OPRPN: variants seen among roughly 807,000 people sequenced by gnomAD.
The protein encoded by OPRPN is opiorphin prepropeptide.
In OPRPN, 1 loss-of-function variant was observed where a neutral mutation model predicts 2.2. The observed-to-expected ratio is 0.45, with a 90% confidence interval of 0.16 to 2.15. The LOEUF (loss-of-function observed/expected upper bound fraction) is 2.15, where lower values mean the gene tolerates loss of function less well. Ranked by LOEUF, OPRPN falls within the 30% of genes most tolerant of loss-of-function variation. The pLI is 0.28. For missense variants in OPRPN, 306 were observed against 297.3 expected, an observed-to-expected ratio of 1.03 and a Z score of -0.21; for synonymous variants, 126 against 111.5, an observed-to-expected ratio of 1.13 and a Z score of -0.82.
rs2109773300 is a variant in OPRPN at position 70,409,438 on chromosome 4, C to T, written c.110C>T (p.Pro37Leu). The T allele has an allele frequency of 1.2e-6, 2 of 1,614,084 alleles. No individual in the cohort carries two copies. The highest frequency in any genetic ancestry group is 1.7e-6 in the Non-Finnish European group (2 of 1,179,976). ...RPYLPGQLPP[P>L]PLYRPRWVPP... is the part of the protein sequence containing the mutation. ...TATCTACCTGGCCAGCTGCCACCAC[C>T]TCCACTCTACAGGCCAAGATGGGTT... Residue 37 changes from proline (P) to leucine (L), a missense_variant, in exon 3 of 3, where the codon CCT (proline) becomes CTT (leucine). Coordinates refer to ENST00000399575, the MANE Select transcript of OPRPN (RefSeq NM_021225.5).
chr4:70,401,160 A>G (rs2109768672), intron 2 of OPRPN, among the ~76,000 whole-genome samples: 1 of 152,230 alleles, frequency 6.6e-6, no homozygotes, highest in Admixed American at 6.6e-5. Flanking sequence ...CTACCTTGAA[A>G]GAGTATAGAA....
At chr4:70,399,158 G>T in intron 1 of OPRPN, 113 bp from the exon 2 acceptor site, 1 of 628,876 alleles carries the variant, frequency 1.6e-6, no homozygotes, top group South Asian at 2.4e-5. Flanking sequence ...AGGTTATGTT[G>T]GTCTTTCTTC....
intron 2 of OPRPN, among the ~76,000 whole-genome samples, chr4:70,400,792 A>G (rs886112335): frequency 8.6e-5 from 13 of 152,012 alleles, no homozygotes; most frequent in African/African-American, 3.1e-4. Context: ...TCTGGAATAA[A>G]CCACTTTTTT....
At chr4:70,402,263 G>A (rs919464375) in intron 2 of OPRPN, among the ~76,000 whole-genome samples, 1 of 152,044 alleles carries the variant, frequency 6.6e-6, no homozygotes, top group African/African-American at 2.4e-5. Flanking sequence ...CAAGCCCTCA[G>A]GTGATACTGG....
In OPRPN at chr4:70,399,352, T is replaced by G. The variant is rs748985735; in HGVS notation, c.51+16T>G. On this transcript the variant is annotated intron_variant, in intron 2 of 2. Coordinates refer to ENST00000399575, the MANE Select transcript of OPRPN (RefSeq NM_021225.5). ...ATGTTTCACAGTAAGTTCCCTCAAT[T>G]CTAAATTTACTTGTTATATTTATTG... The G allele has an allele frequency of 1.3e-6, 2 of 1,564,304 alleles. No homozygotes were observed. The highest frequency in any genetic ancestry group is 1.8e-6 in the Non-Finnish European group (2 of 1,138,362).
Position 70,409,768 on chromosome 4 carries a change from C to G in OPRPN, c.440C>G (p.Thr147Ser). The G allele has an allele frequency of 1.2e-6, 2 of 1,613,780 alleles. No homozygotes were observed. The change falls in exon 3 of 3, where the codon ACC (threonine) becomes AGC (serine). Residue 147 changes from threonine to serine, a missense_variant. Coordinates refer to ENST00000399575, the MANE Select transcript of OPRPN (RefSeq NM_021225.5). The part of the protein sequence containing the change: ...ISNPEPQINI[T>S]TADTTITTNP... ...AACCCTGAGCCCCAAATAAACATCACCACCGCAGATACAACAATCACCACA... is the reference window on the plus strand; with the variant it reads ...AACCCTGAGCCCCAAATAAACATCAGCACCGCAGATACAACAATCACCACA...
chr4:70,400,727 C>A (rs1732961915), intron 2 of OPRPN, among the ~76,000 whole-genome samples: 1 of 151,828 alleles, frequency 6.6e-6, no homozygotes, highest in South Asian at 2.1e-4. Flanking sequence ...TTAAATCAAT[C>A]CATCATATGA....
In OPRPN at chr4:70,409,863, A is replaced by G. The variant is rs1332213281; in HGVS notation, c.535A>G (p.Thr179Ala). Residue 179 changes from threonine to alanine, a missense_variant, in exon 3 of 3, where the codon ACA becomes GCA. By Grantham distance (58) the Thr-to-Ala change is moderately conservative. Transcript: ENST00000399575. ...ACCCACAATGACGATCAGCTCCTCA[A>G]CAGTACCTATCTCTTCAACACCAGA... Reference protein sequence around the residue: ...TKPTMTISSSTVPISSTPEPA... With the variant: ...TKPTMTISSSAVPISSTPEPA... 2.5e-6 allele frequency: 4 copies of G among 1,613,398 alleles called. No homozygotes were observed. The African/African-American group carries it at 5.3e-5, about 22-fold the overall frequency.
intron 1 of OPRPN, 133 bp downstream of exon 1, chr4:70,398,173 T>TAAAAAAAA (rs139738815): frequency 6.7e-6 from 1 of 150,248 alleles, no homozygotes; most frequent in African/African-American, 2.4e-5. Flanking sequence ...GATGTGTTTT[T>TAAAAAAAA]AAAAAAAAAA....
At chr4:70,405,133 A>C (rs1277122640) in intron 2 of OPRPN, among the ~76,000 whole-genome samples, 1 of 152,130 alleles carries the variant, frequency 6.6e-6, no homozygotes, top group Non-Finnish European at 1.5e-5. Flanking sequence ...CAAAATAGCC[A>C]ATTCTCTATT....
Position 70,399,295 on chromosome 4 carries a change from A to G in OPRPN, c.10A>G (p.Thr4Ala). Residue 4 changes from threonine (T) to alanine (A), a missense_variant, in exon 2 of 3, where the codon ACT becomes GCT. Physicochemically the swap from Thr to Ala is moderately conservative, Grantham distance 58. Coordinates refer to ENST00000399575, the MANE Select transcript of OPRPN (RefSeq NM_021225.5). Reference protein sequence around the residue: MKLTFFLGLLALIS... With the variant: MKLAFFLGLLALIS... Reference sequence around the variant, plus strand: ...GGAGCAACTTTAAAGAATGAAATTAACTTTCTTCTTGGGCCTGTTGGCTCT... The same window carrying G: ...GGAGCAACTTTAAAGAATGAAATTAGCTTTCTTCTTGGGCCTGTTGGCTCT... 1 of 1,602,856 alleles carries G rather than the reference A, an allele frequency of 6.2e-7. No homozygotes were observed. The highest frequency in any genetic ancestry group is 2.2e-5 in the East Asian group (1 of 44,742).
intron 2 of OPRPN, among the ~76,000 whole-genome samples, chr4:70,408,622 T>C (rs545011321): frequency 2.6e-5 from 4 of 152,216 alleles, no homozygotes; most frequent in Non-Finnish European, 5.9e-5. Flanking sequence ...ATAGATTATG[T>C]ATAATCCTAT....
intron 2 of OPRPN, among the ~76,000 whole-genome samples, chr4:70,404,752 CT>C (rs1390427836): frequency 1.3e-5 from 2 of 152,156 alleles, no homozygotes; most frequent in East Asian, 3.8e-4. Flanking sequence ...GTCCTTACCC[CT>C]ACCTACAAGA....
chr4:70,399,316 G>T lies in OPRPN; in HGVS notation c.31G>T (p.Ala11Ser). MKLTFFLGLL[A>S]LISCFTPSES... Reference sequence around the variant, plus strand: ...ATTAACTTTCTTCTTGGGCCTGTTGGCTCTTATTTCATGTTTCACAGTAAG... The same window carrying T: ...ATTAACTTTCTTCTTGGGCCTGTTGTCTCTTATTTCATGTTTCACAGTAAG... Residue 11 changes from alanine to serine, a missense_variant, in exon 2 of 3, where the codon GCT (alanine) becomes TCT (serine). Transcript: ENST00000399575. 1 of 1,601,202 alleles carries T rather than the reference G, an allele frequency of 6.2e-7. No homozygotes were observed. Among genetic ancestry groups the T allele is most frequent in the Non-Finnish European group, 8.5e-7 (1 of 1,170,154 alleles).
intron 2 of OPRPN, among the ~76,000 whole-genome samples, chr4:70,403,568 G>T (rs928489394): frequency 6.6e-6 from 1 of 152,060 alleles, no homozygotes; most frequent in Non-Finnish European, 1.5e-5. Context: ...AAACATGTTT[G>T]CATGTTTGTG....
chr4:70,405,938 C>A lies in OPRPN; in HGVS notation c.52-3442C>A, dbSNP rs183379658. On this transcript the variant is annotated intron_variant, in intron 2 of 2. Transcript: ENST00000399575. ...AAAAAAATAGCCAGGTATGGTGGTG[C>A]ACTCCTGTGGTCACAGCTACTTGCG... is the stretch of plus-strand genomic sequence containing the variant. 2.6e-5 allele frequency among the ~76,000 whole-genome samples: 4 copies of A among 151,854 alleles called. No homozygotes were observed. In the East Asian group the frequency reaches 7.7e-4, roughly 29 times the overall value.
chr4:70,408,056 C>A (rs559555235), intron 2 of OPRPN, among the ~76,000 whole-genome samples: 266 of 152,274 alleles, frequency 1.7e-3, no homozygotes, highest in Middle Eastern at 3.4e-3. Context: ...ATGCACCAGA[C>A]AAACACAGAC....
chr4:70,409,284 T>C, intron 2 of OPRPN, 96 bp from the exon 3 acceptor site: 3 of 896,634 alleles, frequency 3.3e-6, no homozygotes, highest in Middle Eastern at 2.4e-4. Flanking sequence ...AATGTTTACA[T>C]AGTAGATATA....
At chr4:70,402,022 ATACTT>A (rs1732992822) in intron 2 of OPRPN, among the ~76,000 whole-genome samples, 1 of 152,166 alleles carries the variant, frequency 6.6e-6, no homozygotes, top group African/African-American at 2.4e-5. Flanking sequence ...CATAAATAAA[ATACTT>A]TACAGAAAGG....
Sources: gnomAD v4.1 joint callset for allele counts (sites outside exome capture counted in the v4.1 genomes callset) on GRCh38, gnomAD v4.1.1 for gene constraint, MANE v1.5 for transcripts, NCBI Gene and HGNC (gene_info 2026-07-23, HGNC 2026-07-21) for gene names.